NCK1: variants seen among roughly 807,000 people sequenced by gnomAD.
NCK1 encodes NCK adaptor protein 1, also known as SH2/SH3 adapter protein NCK1.
Under a neutral mutation model 36.6 loss-of-function variants are expected in NCK1, and 19 were observed. The observed-to-expected ratio is 0.52, with a 90% confidence interval of 0.36 to 0.76. The LOEUF is 0.76. Among genes scored for constraint, NCK1 ranks in the 30% least tolerant of loss-of-function variants. The pLI is 0.00. For missense variants in NCK1, 358 were observed against 445.6 expected (o/e 0.80, Z 1.77); for synonymous variants, 165 against 156.0 (o/e 1.06, Z -0.43).
At chr3:136,932,454 A>G (rs1302425513) in intron 2 of NCK1, among the ~76,000 whole-genome samples, 1 of 152,214 alleles carries the variant, frequency 6.6e-6, no homozygotes, top group Admixed American at 6.5e-5. Flanking sequence ...GAAAACAAAA[A>G]TTGTACAATG....
At chr3:136,905,007 CTTTTTTTTTTTT>C (rs71304270) in intron 1 of NCK1, among the ~76,000 whole-genome samples, 1 of 128,346 alleles carries the variant, frequency 7.8e-6, no homozygotes, top group Admixed American at 7.9e-5. Context: ...TTGGTTTTTC[CTTTTTTTTTTTT>C]TTTTTCTTTT....
At chr3:136,872,730 A>AC (rs112238516) in intron 1 of NCK1, among the ~76,000 whole-genome samples, 88 of 152,220 alleles carry the variant, frequency 5.8e-4, no homozygotes, top group African/African-American at 1.9e-3. Flanking sequence ...CAGCCTAGGG[A>AC]CTTGGTACCC....
At chr3:136,944,494 A>G (rs535647419) in intron 2 of NCK1, among the ~76,000 whole-genome samples, 7 of 152,342 alleles carry the variant, frequency 4.6e-5, no homozygotes, top group African/African-American at 1.7e-4. Flanking sequence ...AAATAAATAA[A>G]TTACCAAAAT....
intron 2 of NCK1, among the ~76,000 whole-genome samples, chr3:136,938,946 A>C (rs745569303): frequency 6.6e-6 from 1 of 152,232 alleles, no homozygotes; most frequent in African/African-American, 2.4e-5. Flanking sequence ...GATATTAGCC[A>C]GTTGTCTTGT....
chr3:136,881,862 C>A (rs905356499), intron 1 of NCK1, among the ~76,000 whole-genome samples: 12 of 152,136 alleles, frequency 7.9e-5, no homozygotes, highest in African/African-American at 2.9e-4. Context: ...AATTTTCTTC[C>A]TTGTTAAGGC....
Position 136,948,456 on chromosome 3 carries a change from C to T in NCK1, c.*3C>T, listed in dbSNP as rs753738439. ...ATCTTGTCAAGCATTTATCATGATA[C>T]TGCTGACCAGAAGTGACTGCTGTGT... On this transcript the variant is annotated 3_prime_UTR_variant, in exon 4 of 4. Coordinates refer to ENST00000481752, the MANE Select transcript of NCK1 (RefSeq NM_001291999.2). 3.7e-6 allele frequency: 6 copies of T among 1,609,342 alleles called. No homozygotes were observed. The highest frequency in any genetic ancestry group is 3.3e-5 in the Admixed American group (2 of 59,770).
In NCK1 at chr3:136,948,540, T is replaced by C; in HGVS notation, c.*87T>C. ...AAATGTTGGGTCCAGTCGTGCTTGATTGGAAATTGTTGTTTCTAAATCTAT... is the reference window on the plus strand; with the variant it reads ...AAATGTTGGGTCCAGTCGTGCTTGACTGGAAATTGTTGTTTCTAAATCTAT... On this transcript the variant is annotated 3_prime_UTR_variant, in exon 4 of 4. Coordinates refer to ENST00000481752, the MANE Select transcript of NCK1 (RefSeq NM_001291999.2). The C allele has an allele frequency of 8.9e-7, 1 of 1,120,806 alleles. No individual in the cohort carries two copies. The highest frequency in any genetic ancestry group is 1.3e-6 in the Non-Finnish European group (1 of 780,270). The allele number at this position is 1,120,806 out of a possible 1,614,324, so 69.4% of individuals were successfully genotyped here.
intron 1 of NCK1, among the ~76,000 whole-genome samples, chr3:136,906,742 C>A (rs1939696450): frequency 6.6e-6 from 1 of 152,118 alleles, no homozygotes; most frequent in African/African-American, 2.4e-5. Context: ...ACTGGACAGG[C>A]CAATCCCCCA....
At chr3:136,904,742 T>C (rs1443985536) in intron 1 of NCK1, among the ~76,000 whole-genome samples, 1 of 152,168 alleles carries the variant, frequency 6.6e-6, no homozygotes, top group Non-Finnish European at 1.5e-5. Context: ...GAACAGGTTT[T>C]CTAACATTTT....
intron 2 of NCK1, among the ~76,000 whole-genome samples, chr3:136,943,152 T>A (rs1423149000): frequency 1.3e-5 from 2 of 152,252 alleles, no homozygotes; most frequent in South Asian, 4.1e-4. Context: ...TTTTTTTTTT[T>A]ACTAGATTCC....
chr3:136,885,405 T>C (rs1045926615), intron 1 of NCK1, among the ~76,000 whole-genome samples: 1 of 152,194 alleles, frequency 6.6e-6, no homozygotes, highest in Non-Finnish European at 1.5e-5. Flanking sequence ...TGGAGTACAG[T>C]GGCCTGATAA....
chr3:136,890,593 A>G (rs975320346), intron 1 of NCK1, among the ~76,000 whole-genome samples: 5 of 152,238 alleles, frequency 3.3e-5, no homozygotes, highest in African/African-American at 1.2e-4. Flanking sequence ...TTGCTGAATA[A>G]TATGTAATTT....
intron 1 of NCK1, among the ~76,000 whole-genome samples, chr3:136,876,188 A>C (rs1294963443): frequency 6.6e-6 from 1 of 152,192 alleles, no homozygotes; most frequent in Non-Finnish European, 1.5e-5. Context: ...CTAAATGCCC[A>C]AAAGAGAAAG....
intron 1 of NCK1, among the ~76,000 whole-genome samples, chr3:136,914,605 A>T (rs1411628915): frequency 6.6e-6 from 1 of 152,210 alleles, no homozygotes; most frequent in Admixed American, 6.5e-5. Flanking sequence ...AATCCATTGG[A>T]GACCTTTTAT....
intron 1 of NCK1, among the ~76,000 whole-genome samples, chr3:136,915,586 G>A (rs1002104013): frequency 6.6e-5 from 10 of 152,124 alleles, no homozygotes; most frequent in East Asian, 1.9e-4. Context: ...CTGCTCTCAC[G>A]TTGCTATAAA....
chr3:136,923,686 A>T (rs1940172171), intron 1 of NCK1, among the ~76,000 whole-genome samples: 2 of 152,246 alleles, frequency 1.3e-5, no homozygotes, highest in South Asian at 4.1e-4. Flanking sequence ...TTTGATATTT[A>T]AGCATATTTA....
intron 2 of NCK1, among the ~76,000 whole-genome samples, chr3:136,933,502 C>A (rs181421607): frequency 1.3e-5 from 2 of 151,736 alleles, no homozygotes; most frequent in Admixed American, 1.3e-4. Context: ...AGAAACAGTG[C>A]TATAGGAAAA....
chr3:136,891,617 G>T (rs745579367), intron 1 of NCK1, among the ~76,000 whole-genome samples: 15 of 152,210 alleles, frequency 9.9e-5, no homozygotes, highest in Non-Finnish European at 1.2e-4. Context: ...TGCCATATGG[G>T]TTTCCACAGT....
chr3:136,923,177 G>C (rs1411812642), intron 1 of NCK1, among the ~76,000 whole-genome samples: 1 of 151,736 alleles, frequency 6.6e-6, no homozygotes, highest in Non-Finnish European at 1.5e-5. Flanking sequence ...ATAAAAATTA[G>C]AATTTTCAAT....
Sources: gnomAD v4.1 joint callset for allele counts (sites outside exome capture counted in the v4.1 genomes callset) on GRCh38, gnomAD v4.1.1 for gene constraint, MANE v1.5 for transcripts, NCBI Gene and HGNC (gene_info 2026-07-23, HGNC 2026-07-21) for gene names.